STAP1: variants seen among roughly 807,000 people sequenced by gnomAD.
STAP1 encodes the protein signal transducing adaptor family member 1.
A neutral mutation model predicts 37.8 loss-of-function variants in STAP1; 30 were observed. That is an observed-to-expected ratio of 0.79 (90% CI 0.59 to 1.08). The LOEUF (loss-of-function observed/expected upper bound fraction) is 1.08, where lower values mean the gene tolerates loss of function less well. STAP1 is among the 50% of genes least tolerant of loss of function. STAP1 has a pLI of 0.00. For missense variants in STAP1, 357 were observed against 349.4 expected (o/e 1.02, Z -0.17); for synonymous variants, 130 against 116.0 (o/e 1.12, Z -0.78).
intron 1 of STAP1, among the ~76,000 whole-genome samples, chr4:67,563,309 TG>T (rs1727393280): frequency 1.3e-5 from 2 of 152,248 alleles, no homozygotes; most frequent in African/African-American, 4.8e-5. Flanking sequence ...TGCAACCTTT[TG>T]AGGTATAACA....
chr4:67,597,583 G>A lies in STAP1; in HGVS notation c.826+4227G>A, dbSNP rs982967218. Reference sequence around the variant, plus strand: ...TTAATGCCAGCCCATGAAAGCAGCCGCAGGGGATGTACCCTGCAGAGTCAC... The same window carrying A: ...TTAATGCCAGCCCATGAAAGCAGCCACAGGGGATGTACCCTGCAGAGTCAC... On this transcript the variant is annotated intron_variant, in intron 8 of 8. Coordinates refer to ENST00000265404, the MANE Select transcript of STAP1 (RefSeq NM_012108.4). 4.6e-5 allele frequency among the ~76,000 whole-genome samples: 7 copies of A among 152,332 alleles called. No individual in the cohort carries two copies. The South Asian group carries it at 8.3e-4, about 18-fold the overall frequency.
intron 1 of STAP1, among the ~76,000 whole-genome samples, chr4:67,569,696 A>G (rs1727555712): frequency 6.6e-6 from 1 of 152,048 alleles, no homozygotes; most frequent in Non-Finnish European, 1.5e-5. Flanking sequence ...AAGATTATCA[A>G]TATCATTATC....
chr4:67,584,098 GAAAAAA>G (rs60099631), intron 6 of STAP1, among the ~76,000 whole-genome samples: 2 of 94,446 alleles, frequency 2.1e-5, no homozygotes, highest in Non-Finnish European at 4.5e-5. Context: ...ACTCGGTCTC[GAAAAAA>G]AAAAAAAAAA....
chr4:67,586,431 T>C (rs1727980846), intron 6 of STAP1, among the ~76,000 whole-genome samples: 1 of 152,156 alleles, frequency 6.6e-6, no homozygotes, highest in Non-Finnish European at 1.5e-5. Flanking sequence ...CACTCCAGCA[T>C]GGGCAAGAAA....
intron 7 of STAP1, 99 bp downstream of exon 7, chr4:67,591,052 TG>T: frequency 1.4e-6 from 1 of 708,978 alleles, no homozygotes. Flanking sequence ...GCCCTGAATG[TG>T]GCAGATATAC....
At chr4:67,596,733 G>A (rs948425540) in intron 8 of STAP1, among the ~76,000 whole-genome samples, 2 of 152,212 alleles carry the variant, frequency 1.3e-5, no homozygotes, top group African/African-American at 4.8e-5. Context: ...TTGAACGTGA[G>A]AGAGATAATT....
intron 6 of STAP1, among the ~76,000 whole-genome samples, chr4:67,588,385 CTTT>C (rs559515029): frequency 1.3e-5 from 2 of 151,500 alleles, no homozygotes; most frequent in Middle Eastern, 3.4e-3. Flanking sequence ...GATATGATGT[CTTT>C]TTTTTGTTGT....
In STAP1 at chr4:67,565,934, CTTTTTTTTTT is replaced by C. The variant is rs60607477; in HGVS notation, c.121-5129_121-5120del. Among the ~76,000 whole-genome samples, 7 of 59,430 alleles carry C rather than the reference CTTTTTTTTTT, an allele frequency of 1.2e-4. 1 individual carries two copies. Among genetic ancestry groups the C allele is most frequent in the Admixed American group, 7.6e-4 (3 of 3,940 alleles). The allele number at this position is 59,430 out of a possible 152,430, so 39.0% of individuals were successfully genotyped here. Reference sequence around the variant, plus strand: ...TTCTCTTCCCCCCTCAACCCAACTGCTTTTTTTTTTTTTTTTTTTTTTTTTTTTTTACGAG... The same window carrying C: ...TTCTCTTCCCCCCTCAACCCAACTGCTTTTTTTTTTTTTTTTTTTTACGAG... On this transcript the variant is annotated intron_variant, in intron 1 of 8. Coordinates refer to ENST00000265404, the MANE Select transcript of STAP1 (RefSeq NM_012108.4).
rs1211716224 is a variant in STAP1, at chr4:67,558,850, T to A, written c.41T>A (p.Ile14Asn). ...CCCCCAAAACCAGCCCCTCGCAGGA[T>A]CTTCCAGGAAAGGTTAAAGATTACT... ...KKPPKPAPRR[I>N]FQERLKITAL... Residue 14 changes from isoleucine to asparagine, a missense_variant, in exon 1 of 9, where the codon ATC becomes AAC. Physicochemically the swap from Ile to Asn is moderately radical, Grantham distance 149 (BLOSUM62 -3). Coordinates refer to ENST00000265404, the MANE Select transcript of STAP1 (RefSeq NM_012108.4). The A allele has an allele frequency of 6.2e-7, 1 of 1,613,660 alleles. No homozygotes were observed. Among genetic ancestry groups the A allele is most frequent in the South Asian group, 1.1e-5 (1 of 91,036 alleles).
intron 8 of STAP1, 95 bp from the exon 9 acceptor site, chr4:67,606,201 C>T (rs1444529975): frequency 3.1e-6 from 3 of 955,546 alleles, no homozygotes; most frequent in Non-Finnish European, 4.8e-6. Flanking sequence ...CAATGTTCCA[C>T]ACACGAGCAG....
At chr4:67,578,527 A>G (rs1727776944) in intron 4 of STAP1, among the ~76,000 whole-genome samples, 1 of 151,730 alleles carries the variant, frequency 6.6e-6, no homozygotes, top group Non-Finnish European at 1.5e-5. Flanking sequence ...GACTTCTGAG[A>G]GGGAGAGGAA....
In STAP1 at chr4:67,606,710, T is replaced by C. The variant is rs1054593; in HGVS notation, c.*353T>C. On this transcript the variant is annotated 3_prime_UTR_variant, in exon 9 of 9. Coordinates refer to ENST00000265404, the MANE Select transcript of STAP1 (RefSeq NM_012108.4). The stretch of plus-strand genomic sequence containing the variant: ...ATTCCAACAGCAGTTTCTCTAGTTC[T>C]AAATTTTACCAATTCCCAAAAAACC... The C allele has an allele frequency of 0.21, 34,335 of 166,586 alleles. 4,017 individuals are homozygous for C. The highest frequency in any genetic ancestry group is 0.49 in the East Asian group (2,966 of 6,084). 10.3% of individuals were successfully genotyped at this position (166,586 alleles called of 1,614,324 possible).
chr4:67,575,282 T>C, intron 2 of STAP1, 103 bp from the exon 3 acceptor site: 1 of 673,224 alleles, frequency 1.5e-6, no homozygotes, highest in Non-Finnish European at 2.4e-6. Flanking sequence ...TCATACAAAG[T>C]ACTAATTAGT....
chr4:67,558,727 G>T lies in STAP1; in HGVS notation c.-83G>T. 1 of 1,541,716 alleles carries T rather than the reference G, an allele frequency of 6.5e-7. No homozygotes were observed. The highest frequency in any genetic ancestry group is 1.2e-5 in the South Asian group (1 of 80,540). ...AAAAGCAATTTGGGACTTCCTCTTT[G>T]AACAGTTGCCTTTTCCTCTCACAGA... On this transcript the variant is annotated 5_prime_UTR_variant, in exon 1 of 9. Coordinates refer to ENST00000265404, the MANE Select transcript of STAP1 (RefSeq NM_012108.4).
At chr4:67,577,331 A>C in intron 4 of STAP1, 72 bp downstream of exon 4, 2 of 1,372,774 alleles carry the variant, frequency 1.5e-6, no homozygotes, top group Non-Finnish European at 2.0e-6. Flanking sequence ...CCTATGATCC[A>C]TGCAGAGTGA....
intron 6 of STAP1, 103 bp from the exon 7 acceptor site, chr4:67,590,781 T>C (rs1004707308): frequency 9.1e-6 from 4 of 439,572 alleles, no homozygotes; most frequent in South Asian, 5.4e-5. Context: ...ACTATAGTCA[T>C]GACAACATAG....
chr4:67,603,329 C>G (rs921405918), intron 8 of STAP1, among the ~76,000 whole-genome samples: 1 of 152,170 alleles, frequency 6.6e-6, no homozygotes, highest in Admixed American at 6.5e-5. Context: ...GAACCAAGGT[C>G]TAGAATTGGG....
chr4:67,562,601 T>TA (rs34000253), intron 1 of STAP1, among the ~76,000 whole-genome samples: 75,462 of 117,112 alleles, frequency 0.64, 25,313 homozygotes, highest in Non-Finnish European at 0.77. Flanking sequence ...CTGTCTCTAC[T>TA]AAAAAAAAAA....
At chr4:67,583,544 C>A (rs1368336855) in intron 5 of STAP1, 30 bp from the exon 6 acceptor site, 4 of 1,558,190 alleles carry the variant, frequency 2.6e-6, no homozygotes, top group Non-Finnish European at 3.5e-6. Context: ...GTTAAAAAAA[C>A]AATTCTGTTT....
Sources: gnomAD v4.1 joint callset for allele counts (sites outside exome capture counted in the v4.1 genomes callset) on GRCh38, gnomAD v4.1.1 for gene constraint, MANE v1.5 for transcripts, NCBI Gene and HGNC (gene_info 2026-07-23, HGNC 2026-07-21) for gene names.